Variants in SPAG16 observed in about 807,000 individuals in gnomAD.
SPAG16 encodes the protein sperm associated antigen 16, also known as sperm-associated antigen 16 protein.
A neutral mutation model predicts 80.4 loss-of-function variants in SPAG16; 86 were observed. The observed-to-expected ratio is 1.07, with a 90% CI of 0.90 to 1.28. The LOEUF is 1.28. SPAG16 is among the 50% of genes most tolerant of loss of function. The probability of loss-of-function intolerance (pLI) is 0.00; values close to 1 mark genes in which losing one functional copy is unlikely to be tolerated. For synonymous variants in SPAG16, 294 were observed against 265.9 expected (o/e 1.11, Z -1.03); for missense variants, 870 against 765.3 (o/e 1.14, Z -1.61).
intron 15 of SPAG16, among the ~76,000 whole-genome samples, chr2:214,158,155 A>G (rs889149243): frequency 2.0e-5 from 3 of 152,082 alleles, no homozygotes; most frequent in Admixed American, 2.0e-4. Context: ...AGGTGACGTT[A>G]TCAATTAGGT....
intron 10 of SPAG16, among the ~76,000 whole-genome samples, chr2:213,677,058 G>A (rs1026029670): frequency 6.6e-6 from 1 of 151,962 alleles, no homozygotes; most frequent in South Asian, 2.1e-4. Context: ...CCACATTTCA[G>A]CTCCTGTTAT....
At chr2:213,908,629 T>C (rs1388495272) in intron 11 of SPAG16, among the ~76,000 whole-genome samples, 1 of 152,150 alleles carries the variant, frequency 6.6e-6, no homozygotes, top group Non-Finnish European at 1.5e-5. Context: ...GCTCCTTTTG[T>C]TTGTGATTCT....
Position 214,021,814 on chromosome 2 carries a change from C to T in SPAG16, c.1527+7737C>T, listed in dbSNP as rs571810654. Among the ~76,000 whole-genome samples the T allele has an allele frequency of 2.3e-4, 35 of 152,230 alleles. No homozygotes were observed. In the South Asian group the frequency reaches 6.6e-3, roughly 29 times the overall value. On this transcript the variant is annotated intron_variant, in intron 13 of 15. Transcript: ENST00000331683. ...CCTGTGTAGAGACTTACTGCTTTCT[C>T]ACTAAATAAACATCTACTACCATCA...
At chr2:213,876,304 CAAAAA>C in intron 11 of SPAG16, among the ~76,000 whole-genome samples, 1 of 80,190 alleles carries the variant, frequency 1.2e-5, no homozygotes, top group African/African-American at 3.7e-5. Context: ...AACTTTGAAC[CAAAAA>C]AAAAAAAAAA....
At chr2:214,315,731 T>A (rs968788739) in intron 15 of SPAG16, among the ~76,000 whole-genome samples, 10 of 152,058 alleles carry the variant, frequency 6.6e-5, no homozygotes, top group Non-Finnish European at 2.9e-5. Flanking sequence ...GGGGTCTCAC[T>A]ATGTTGTCCA....
intron 10 of SPAG16, among the ~76,000 whole-genome samples, chr2:213,666,350 A>G (rs7559518): frequency 0.026 from 3,908 of 152,210 alleles, 160 homozygotes; most frequent in African/African-American, 0.088. Context: ...CCCCTTTTCA[A>G]TAAACTTACT....
chr2:214,172,310 T>C (rs571067122), intron 15 of SPAG16, among the ~76,000 whole-genome samples: 4 of 152,020 alleles, frequency 2.6e-5, no homozygotes, highest in Admixed American at 2.6e-4. Flanking sequence ...GTGTTCTCAT[T>C]GTTCAATTCC....
chr2:213,702,870 CAAT>C (rs1456687882), intron 10 of SPAG16, among the ~76,000 whole-genome samples: 2 of 152,164 alleles, frequency 1.3e-5, no homozygotes, highest in South Asian at 4.2e-4. Flanking sequence ...GGAAGCCTAA[CAAT>C]AGTACTAGCA....
intron 11 of SPAG16, among the ~76,000 whole-genome samples, chr2:213,872,480 A>T (rs937104930): frequency 1.3e-5 from 2 of 152,142 alleles, no homozygotes; most frequent in South Asian, 2.1e-4. Context: ...AATTTAAAAA[A>T]TTTTAGTATA....
At chr2:213,960,666 A>G (rs1281592496) in intron 12 of SPAG16, among the ~76,000 whole-genome samples, 4 of 152,136 alleles carry the variant, frequency 2.6e-5, no homozygotes, top group African/African-American at 4.8e-5. Flanking sequence ...GCACCTTTCA[A>G]TTGACATGTG....
intron 12 of SPAG16, among the ~76,000 whole-genome samples, chr2:213,969,640 C>T (rs994706720): frequency 6.6e-6 from 1 of 152,130 alleles, no homozygotes; most frequent in Non-Finnish European, 1.5e-5. Flanking sequence ...AATTTACTGG[C>T]ACCTTGATCT....
chr2:213,683,655 A>T (rs983964236), intron 10 of SPAG16, among the ~76,000 whole-genome samples: 19 of 152,026 alleles, frequency 1.2e-4, no homozygotes, highest in East Asian at 5.8e-4. Flanking sequence ...GTTCTTATAT[A>T]TTTTTTTTCA....
At chr2:213,483,623 A>G (rs766389592) in intron 9 of SPAG16, among the ~76,000 whole-genome samples, 59 of 152,278 alleles carry the variant, frequency 3.9e-4, no homozygotes, top group Middle Eastern at 3.4e-3. Flanking sequence ...AGAGACTCTG[A>G]TTTAGTAAGT....
At chr2:213,711,496 ATTTTTATTTAT>A (rs935599584) in intron 10 of SPAG16, among the ~76,000 whole-genome samples, 1 of 150,058 alleles carries the variant, frequency 6.7e-6, no homozygotes, top group African/African-American at 2.5e-5. Context: ...GCCTATAATA[ATTTTTATTTAT>A]TTTTTACAAT....
chr2:214,391,633 T>A (rs948239069), intron 15 of SPAG16, among the ~76,000 whole-genome samples: 3 of 152,020 alleles, frequency 2.0e-5, no homozygotes, highest in African/African-American at 7.2e-5. Flanking sequence ...GGAAAACAGA[T>A]CATGGAGCGG....
intron 12 of SPAG16, among the ~76,000 whole-genome samples, chr2:213,939,258 A>G (rs1201785033): frequency 6.6e-6 from 1 of 152,210 alleles, no homozygotes; most frequent in Non-Finnish European, 1.5e-5. Context: ...ATATAGCTGG[A>G]GCTGGGGATA....
At chr2:213,394,460 A>G (rs974527168) in intron 9 of SPAG16, among the ~76,000 whole-genome samples, 1 of 152,092 alleles carries the variant, frequency 6.6e-6, no homozygotes, top group African/African-American at 2.4e-5. Context: ...AGTTTCCCCT[A>G]ACGGTTACAT....
At chr2:213,465,610 T>G (rs540666341) in intron 9 of SPAG16, among the ~76,000 whole-genome samples, 3 of 152,270 alleles carry the variant, frequency 2.0e-5, no homozygotes, top group East Asian at 3.9e-4. Flanking sequence ...GAGGAGGCAA[T>G]TGTTTGTTAG....
chr2:214,254,267 T>A (rs1254355461), intron 15 of SPAG16, among the ~76,000 whole-genome samples: 6 of 152,146 alleles, frequency 3.9e-5, no homozygotes, highest in Non-Finnish European at 8.8e-5. Flanking sequence ...CCTGTTTGAA[T>A]GCCCTTTATT....
Sources: gnomAD v4.1 joint callset for allele counts (sites outside exome capture counted in the v4.1 genomes callset) on GRCh38, gnomAD v4.1.1 for gene constraint, MANE v1.5 for transcripts, NCBI Gene and HGNC (gene_info 2026-07-23, HGNC 2026-07-21) for gene names.